The following KLHL32 variants were observed in gnomAD, a reference collection of about 807,000 sequenced individuals.
KLHL32 encodes kelch like family member 32.
KLHL32 carries 35 observed loss-of-function variants against 64.8 expected under a neutral mutation model. That is an observed-to-expected ratio of 0.54 (90% CI 0.41 to 0.72). The LOEUF is 0.72. Ranked by LOEUF, KLHL32 falls within the 30% of genes least tolerant of loss-of-function variation. KLHL32 has a pLI of 0.00. For synonymous variants in KLHL32, 259 were observed against 281.0 expected, an observed-to-expected ratio of 0.92 and a Z score of 0.78; for missense variants, 589 against 768.5, an observed-to-expected ratio of 0.77 and a Z score of 2.76.
chr6:96,954,853 TTCTC>T (rs1372871872), intron 1 of KLHL32, among the ~76,000 whole-genome samples: 2 of 152,198 alleles, frequency 1.3e-5, no homozygotes, highest in Non-Finnish European at 2.9e-5. Context: ...TTCTCCTAGT[TTCTC>T]TATTGTCAAC....
chr6:97,042,350 G>A (rs990747305), intron 4 of KLHL32, among the ~76,000 whole-genome samples: 2 of 152,190 alleles, frequency 1.3e-5, no homozygotes, highest in Non-Finnish European at 2.9e-5. Context: ...AGTTATAACA[G>A]AAGCAGAATA....
rs9384845 is a variant in KLHL32, at chr6:97,111,565, G to A, written c.628-2218G>A. On this transcript the variant is annotated intron_variant, in intron 6 of 10. Transcript: ENST00000369261. ...ACTGGCAGGAGCAAAACTCTGTGCAGGCCCCACCACAGCATCTAGTGGGGA... is the reference window on the plus strand; with the variant it reads ...ACTGGCAGGAGCAAAACTCTGTGCAAGCCCCACCACAGCATCTAGTGGGGA... Among the ~76,000 whole-genome samples, 36 of 152,322 alleles carry A rather than the reference G, an allele frequency of 2.4e-4. 1 individual carries two copies. The East Asian group carries it at 6.4e-3, about 27-fold the overall frequency.
intron 6 of KLHL32, among the ~76,000 whole-genome samples, chr6:97,099,055 A>T (rs1389248356): frequency 6.6e-6 from 1 of 152,246 alleles, no homozygotes; most frequent in Non-Finnish European, 1.5e-5. Context: ...CATCTTAAAG[A>T]AAGCATAACT....
intron 4 of KLHL32, among the ~76,000 whole-genome samples, chr6:97,051,680 C>T (rs555980156): frequency 1.3e-5 from 2 of 152,320 alleles, no homozygotes; most frequent in East Asian, 1.9e-4. Context: ...CACTCAGAAT[C>T]ATTTCCTAAA....
chr6:96,963,041 G>A (rs886605135), intron 1 of KLHL32, among the ~76,000 whole-genome samples: 3 of 152,006 alleles, frequency 2.0e-5, no homozygotes, highest in Admixed American at 2.0e-4. Flanking sequence ...TAGGGGAGGG[G>A]GAAAAATCTT....
chr6:97,103,155 T>C (rs1795946094), intron 6 of KLHL32, among the ~76,000 whole-genome samples: 1 of 151,822 alleles, frequency 6.6e-6, no homozygotes, highest in Non-Finnish European at 1.5e-5. Context: ...GAATGGTACA[T>C]TTAAAGACAG....
intron 3 of KLHL32, among the ~76,000 whole-genome samples, chr6:97,017,425 T>C (rs1380409386): frequency 1.3e-5 from 2 of 152,202 alleles, no homozygotes; most frequent in African/African-American, 4.8e-5. Context: ...AACTATAGTT[T>C]GAGGTTTGCT....
rs78380220 is a variant in KLHL32 at position 96,938,075 on chromosome 6, T to C, written c.-66+13049T>C. Among the ~76,000 whole-genome samples the C allele has an allele frequency of 2.8e-4, 43 of 152,308 alleles. 1 individual carries two copies. The East Asian group carries it at 6.6e-3, about 23-fold the overall frequency. ...AGCCTCTTTGTCAAGTAATGAATAA[T>C]TTAAAACAAACAAACAGAAAAACCC... On this transcript the variant is annotated intron_variant, in intron 1 of 10. Transcript: ENST00000369261.
At chr6:97,015,057 T>G (rs1780968104) in intron 3 of KLHL32, among the ~76,000 whole-genome samples, 1 of 152,134 alleles carries the variant, frequency 6.6e-6, no homozygotes, top group Admixed American at 6.6e-5. Context: ...TCACTCCCTT[T>G]TTCTCTCCCC....
chr6:97,083,234 C>G (rs1418307078), intron 5 of KLHL32, among the ~76,000 whole-genome samples: 1 of 151,966 alleles, frequency 6.6e-6, no homozygotes, highest in Admixed American at 6.6e-5. Flanking sequence ...TACTAAAAAT[C>G]CAAAAATTAG....
At chr6:96,898,120 G>C in the KLHL32 span, among the ~76,000 whole-genome samples, 1 of 152,176 alleles carries the variant, frequency 6.6e-6, no homozygotes, top group African/African-American at 2.4e-5. Flanking sequence ...GGGAAGCTCT[G>C]TAAAGTTCTG....
intron 3 of KLHL32, among the ~76,000 whole-genome samples, chr6:97,005,017 C>A (rs566777246): frequency 1.3e-5 from 2 of 151,988 alleles, no homozygotes; most frequent in Non-Finnish European, 2.9e-5. Context: ...GGGAAGAGTA[C>A]ATCCTCCCCA....
chr6:97,069,476 A>G (rs927556586), intron 5 of KLHL32, among the ~76,000 whole-genome samples: 1 of 148,994 alleles, frequency 6.7e-6, no homozygotes, highest in Non-Finnish European at 1.5e-5. Flanking sequence ...GAGAAGCACT[A>G]GATTCTTGAA....
chr6:97,051,002 TCAAACAAA>T (rs570352044), intron 4 of KLHL32, among the ~76,000 whole-genome samples: 6 of 152,030 alleles, frequency 3.9e-5, no homozygotes, highest in African/African-American at 9.7e-5. Context: ...AAACTCCATC[TCAAACAAA>T]CAAACAAACA....
chr6:97,073,529 C>T (rs527345590), intron 5 of KLHL32, among the ~76,000 whole-genome samples: 3 of 152,154 alleles, frequency 2.0e-5, no homozygotes, highest in Non-Finnish European at 4.4e-5. Context: ...CTTTCTCCAT[C>T]CTGGTATACA....
At chr6:97,067,396 T>C (rs1362322072) in intron 5 of KLHL32, among the ~76,000 whole-genome samples, 1 of 152,160 alleles carries the variant, frequency 6.6e-6, no homozygotes, top group East Asian at 1.9e-4. Context: ...TCAAAGCATG[T>C]GTGTGGGAAA....
intron 2 of KLHL32, among the ~76,000 whole-genome samples, chr6:96,975,322 GATA>G (rs1775573879): frequency 6.6e-6 from 1 of 152,140 alleles, no homozygotes; most frequent in Non-Finnish European, 1.5e-5. Context: ...ACTAAATGCT[GATA>G]ATAGATAAAT....
At chr6:97,137,839 G>A (rs1474417369) in intron 10 of KLHL32, among the ~76,000 whole-genome samples, 1 of 152,116 alleles carries the variant, frequency 6.6e-6, no homozygotes, top group Admixed American at 6.6e-5. Flanking sequence ...GCCTATTGCA[G>A]TTAAAGTCTT....
the KLHL32 span, among the ~76,000 whole-genome samples, chr6:96,911,148 T>G: frequency 1.3e-5 from 2 of 152,226 alleles, no homozygotes; most frequent in Admixed American, 6.5e-5. Context: ...CTCATAGTTC[T>G]GGAGGCTGGG....
Sources: gnomAD v4.1 joint callset for allele counts (sites outside exome capture counted in the v4.1 genomes callset) on GRCh38, gnomAD v4.1.1 for gene constraint, MANE v1.5 for transcripts, NCBI Gene and HGNC (gene_info 2026-07-23, HGNC 2026-07-21) for gene names.